The following COL25A1 variants were observed in gnomAD, a reference collection of about 807,000 sequenced individuals.
COL25A1 encodes collagen type XXV alpha 1 chain, also known as collagen alpha-1(XXV) chain.
In COL25A1, 103 loss-of-function variants were observed where a neutral mutation model predicts 128.4. The ratio of observed to expected loss-of-function variants is 0.80; its 90% CI spans 0.68 to 0.94. COL25A1 has a LOEUF of 0.94. COL25A1 is among the 40% of genes least tolerant of loss of function. COL25A1 has a pLI of 0.00. For synonymous variants in COL25A1, 279 were observed against 277.2 expected, an observed-to-expected ratio of 1.01 and a Z score of -0.06; for missense variants, 745 against 840.0, an observed-to-expected ratio of 0.89 and a Z score of 1.40.
chr4:109,158,226 T>A (rs1472377643), intron 3 of COL25A1, among the ~76,000 whole-genome samples: 3 of 152,088 alleles, frequency 2.0e-5, no homozygotes, highest in Non-Finnish European at 4.4e-5. Flanking sequence ...CTTTAGTTTA[T>A]CAAAATGCTT....
chr4:109,263,420 G>C (rs1035583614), intron 3 of COL25A1, among the ~76,000 whole-genome samples: 9 of 152,110 alleles, frequency 5.9e-5, no homozygotes, highest in African/African-American at 2.2e-4. Flanking sequence ...TGAAAGGGGA[G>C]AAATTGGATA....
At chr4:108,948,180 G>T (rs1464736002) in intron 8 of COL25A1, among the ~76,000 whole-genome samples, 1 of 152,120 alleles carries the variant, frequency 6.6e-6, no homozygotes, top group Non-Finnish European at 1.5e-5. Flanking sequence ...CTGCTAGAAG[G>T]CTAAATTAAG....
intron 13 of COL25A1, among the ~76,000 whole-genome samples, chr4:108,906,292 T>C (rs939900438): frequency 7.2e-5 from 11 of 152,028 alleles, no homozygotes; most frequent in African/African-American, 2.7e-4. Context: ...CCCAGGGCCT[T>C]TGCACCTAGG....
At chr4:109,220,227 T>A (rs1778315222) in intron 3 of COL25A1, among the ~76,000 whole-genome samples, 1 of 152,234 alleles carries the variant, frequency 6.6e-6, no homozygotes, top group Non-Finnish European at 1.5e-5. Flanking sequence ...GTGGTTCTTT[T>A]ATTGGTTCGT....
chr4:109,098,054 A>C (rs1765554323), intron 3 of COL25A1, among the ~76,000 whole-genome samples: 1 of 152,200 alleles, frequency 6.6e-6, no homozygotes, highest in Non-Finnish European at 1.5e-5. Flanking sequence ...AATTTCATAA[A>C]GGCCTCTGCT....
At chr4:109,146,913 A>G (rs1015127969) in intron 3 of COL25A1, among the ~76,000 whole-genome samples, 1 of 152,198 alleles carries the variant, frequency 6.6e-6, no homozygotes, top group Non-Finnish European at 1.5e-5. Context: ...AAATCTGTGT[A>G]TGTGTGTGTA....
intron 3 of COL25A1, among the ~76,000 whole-genome samples, chr4:109,154,163 A>C (rs892508867): frequency 1.3e-5 from 2 of 152,178 alleles, no homozygotes; most frequent in African/African-American, 4.8e-5. Context: ...TGATAACTCA[A>C]ATCTAGGTTA....
intron 6 of COL25A1, among the ~76,000 whole-genome samples, chr4:108,984,952 T>G (rs968869982): frequency 6.6e-6 from 1 of 152,182 alleles, no homozygotes; most frequent in Non-Finnish European, 1.5e-5. Context: ...GAAGGGCCCC[T>G]AAGCACAACA....
intron 3 of COL25A1, among the ~76,000 whole-genome samples, chr4:109,139,915 C>G (rs1770222111): frequency 1.4e-5 from 2 of 147,926 alleles, no homozygotes; most frequent in Non-Finnish European, 3.0e-5. Context: ...TGAGTGAGAA[C>G]ATATGGTGTT....
At chr4:109,290,125 G>C (rs1724323065) in intron 3 of COL25A1, among the ~76,000 whole-genome samples, 1 of 151,982 alleles carries the variant, frequency 6.6e-6, no homozygotes, top group Admixed American at 6.6e-5. Context: ...AGGGTTTTCT[G>C]CTCAAAAAGA....
At chr4:108,895,411 T>A (rs1349783110) in intron 16 of COL25A1, among the ~76,000 whole-genome samples, 3 of 152,158 alleles carry the variant, frequency 2.0e-5, no homozygotes, top group Admixed American at 2.0e-4. Context: ...AAAGATCTTC[T>A]TAATCTTTAA....
intron 3 of COL25A1, among the ~76,000 whole-genome samples, chr4:109,066,638 C>T (rs996831345): frequency 6.6e-6 from 1 of 152,094 alleles, no homozygotes; most frequent in Non-Finnish European, 1.5e-5. Flanking sequence ...GATGAACGAA[C>T]TCCAAAATAA....
intron 18 of COL25A1, among the ~76,000 whole-genome samples, chr4:108,886,925 G>T (rs1269191501): frequency 6.6e-6 from 1 of 151,944 alleles, no homozygotes; most frequent in Non-Finnish European, 1.5e-5. Context: ...ACTGTGAGGG[G>T]CCCTTCTGAT....
intron 3 of COL25A1, among the ~76,000 whole-genome samples, chr4:109,117,337 C>T (rs548767595): frequency 2.6e-5 from 4 of 151,662 alleles, no homozygotes; most frequent in Non-Finnish European, 5.9e-5. Flanking sequence ...CCCATGTAAA[C>T]GAGAAGAAAG....
chr4:108,834,055 A>T (rs1733480712), intron 31 of COL25A1, among the ~76,000 whole-genome samples: 1 of 152,174 alleles, frequency 6.6e-6, no homozygotes, highest in South Asian at 2.1e-4. Context: ...ATTCATGTGG[A>T]ATTCTAAGAC....
intron 3 of COL25A1, among the ~76,000 whole-genome samples, chr4:109,236,486 T>C (rs1274739157): frequency 1.3e-5 from 2 of 152,026 alleles, no homozygotes; most frequent in Non-Finnish European, 2.9e-5. Context: ...TTAAAAGCTC[T>C]CATAAAACTT....
At chr4:108,857,092 TCA>T (rs1736613350) in intron 24 of COL25A1, among the ~76,000 whole-genome samples, 1 of 152,072 alleles carries the variant, frequency 6.6e-6, no homozygotes, top group African/African-American at 2.4e-5. Flanking sequence ...GAGAACTTGA[TCA>T]CAGTGTTGCA....
At chr4:109,294,293 A>T (rs1451901617) in intron 3 of COL25A1, among the ~76,000 whole-genome samples, 2 of 152,110 alleles carry the variant, frequency 1.3e-5, no homozygotes, top group African/African-American at 2.4e-5. Context: ...TGAATCACAG[A>T]ATAGTCATTT....
intron 3 of COL25A1, among the ~76,000 whole-genome samples, chr4:109,070,163 C>G (rs572231306): frequency 3.2e-4 from 48 of 151,082 alleles, no homozygotes; most frequent in African/African-American, 1.1e-3. Context: ...GAGGCTGAGG[C>G]AGGAGAATGG....
Sources: allele counts gnomAD v4.1 joint callset (sites outside exome capture counted in the v4.1 genomes callset), GRCh38; gene constraint gnomAD v4.1.1; transcripts MANE v1.5; gene names NCBI Gene and HGNC (gene_info 2026-07-23, HGNC 2026-07-21).